CTNNA2: variants seen among roughly 807,000 people sequenced by gnomAD.
The protein encoded by CTNNA2 is catenin alpha 2.
A neutral mutation model predicts 101.0 loss-of-function variants in CTNNA2; 42 were observed. The ratio of observed to expected loss-of-function variants is 0.42; its 90% CI spans 0.32 to 0.54. The LOEUF is 0.54. Among genes scored for constraint, CTNNA2 ranks in the 20% least tolerant of loss-of-function variants. The pLI is 0.14. For missense variants in CTNNA2, 871 were observed against 1,223.1 expected (o/e 0.71, Z 4.29); for synonymous variants, 450 against 456.4 (o/e 0.99, Z 0.18).
chr2:80,167,014 G>A (rs918185683), intron 7 of CTNNA2, among the ~76,000 whole-genome samples: 10 of 151,904 alleles, frequency 6.6e-5, no homozygotes, highest in Non-Finnish European at 1.0e-4. Context: ...TCCCTAGCCA[G>A]CCTGACTTCT....
At chr2:80,247,458 C>CA (rs1019719752) in intron 7 of CTNNA2, among the ~76,000 whole-genome samples, 2 of 152,244 alleles carry the variant, frequency 1.3e-5, no homozygotes, top group South Asian at 2.1e-4. Context: ...TGAACCTCCC[C>CA]AACCTGACTA....
intron 18 of CTNNA2, among the ~76,000 whole-genome samples, chr2:80,642,632 ATTCTGT>A (rs2149859612): frequency 6.6e-6 from 1 of 152,264 alleles, no homozygotes; most frequent in East Asian, 1.9e-4. Flanking sequence ...CTGCAGTCGA[ATTCTGT>A]TTCTGTTGAA....
At chr2:79,754,322 G>C (rs1672255106) in intron 3 of CTNNA2, among the ~76,000 whole-genome samples, 1 of 152,096 alleles carries the variant, frequency 6.6e-6, no homozygotes, top group East Asian at 1.9e-4. Context: ...TAATGACCTG[G>C]TGCCTCCCTG....
chr2:79,368,038 G>T (rs922495087), intron 3 of CTNNA2, among the ~76,000 whole-genome samples: 2 of 152,102 alleles, frequency 1.3e-5, no homozygotes, highest in Non-Finnish European at 2.9e-5. Context: ...AATAAAAGAT[G>T]ACAATGGTTA....
intron 2 of CTNNA2, among the ~76,000 whole-genome samples, chr2:79,706,303 C>T (rs1480731829): frequency 7.0e-6 from 1 of 143,124 alleles, no homozygotes; most frequent in East Asian, 2.1e-4. Context: ...GCGGAGCTTG[C>T]AGTGAGCCGA....
At chr2:79,542,062 A>G (rs1673459642) in intron 1 of CTNNA2, among the ~76,000 whole-genome samples, 1 of 151,926 alleles carries the variant, frequency 6.6e-6, no homozygotes, top group South Asian at 2.1e-4. Context: ...TTAGCTTTTT[A>G]AAAACTAGGC....
intron 7 of CTNNA2, among the ~76,000 whole-genome samples, chr2:79,975,505 C>G (rs2104586219): frequency 6.6e-6 from 1 of 152,182 alleles, no homozygotes; most frequent in South Asian, 2.1e-4. Context: ...GTGTCAGATC[C>G]TACAGGTTGA....
intron 7 of CTNNA2, chr2:80,305,268 C>T (rs1676817094): frequency 1.0e-6 from 1 of 985,142 alleles, no homozygotes. Flanking sequence ...TCCAAACCCA[C>T]CTAGTTTGGG....
rs568813705 is a variant in CTNNA2 at position 80,155,491 on chromosome 2, C to A, written c.1057-237720C>A. 1.2e-4 allele frequency among the ~76,000 whole-genome samples: 19 copies of A among 152,282 alleles called. No individual in the cohort carries two copies. The Middle Eastern group carries it at 0.01, about 82-fold the overall frequency. On this transcript the variant is annotated intron_variant, in intron 7 of 18. Transcript: ENST00000402739. ...TCATATCTTGGTAGTCCTTCCTTTCCTTCCCACCTCCCTCCCCAGTTACTT... is the reference window on the plus strand; with the variant it reads ...TCATATCTTGGTAGTCCTTCCTTTCATTCCCACCTCCCTCCCCAGTTACTT...
chr2:79,667,164 C>T (rs1205268843), intron 2 of CTNNA2, among the ~76,000 whole-genome samples: 3 of 152,192 alleles, frequency 2.0e-5, no homozygotes. Context: ...TAAAGATAAA[C>T]TAGCCATCTC....
intron 9 of CTNNA2, among the ~76,000 whole-genome samples, chr2:80,421,688 C>T (rs532805643): frequency 6.6e-6 from 1 of 151,828 alleles, no homozygotes; most frequent in Non-Finnish European, 1.5e-5. Context: ...CATGGATGGT[C>T]ACTGTGGCCA....
intron 13 of CTNNA2, among the ~76,000 whole-genome samples, chr2:80,577,516 G>C (rs1199818488): frequency 6.6e-6 from 1 of 152,080 alleles, no homozygotes; most frequent in African/African-American, 2.4e-5. Context: ...TTCTGAGCAG[G>C]GGAATAGTGT....
intron 7 of CTNNA2, among the ~76,000 whole-genome samples, chr2:79,916,360 G>A (rs535696348): frequency 4.6e-5 from 7 of 152,000 alleles, no homozygotes; most frequent in South Asian, 2.1e-4. Flanking sequence ...TTTTCCTTGC[G>A]TTTTTCTTAC....
At chr2:79,814,608 T>TACACACACACAC (rs146240455) in intron 3 of CTNNA2, among the ~76,000 whole-genome samples, 31 of 145,198 alleles carry the variant, frequency 2.1e-4, no homozygotes, top group African/African-American at 7.9e-4. Flanking sequence ...TATGTGTGTA[T>TACACACACACAC]ACACACACAC....
intron 3 of CTNNA2, among the ~76,000 whole-genome samples, chr2:79,371,201 C>A (rs559409431): frequency 6.6e-6 from 1 of 151,938 alleles, no homozygotes; most frequent in African/African-American, 2.4e-5. Flanking sequence ...TGGTGAAAGG[C>A]CCACGGGGTG....
At chr2:79,990,793 A>G (rs771520344) in intron 7 of CTNNA2, among the ~76,000 whole-genome samples, 1 of 152,176 alleles carries the variant, frequency 6.6e-6, no homozygotes, top group Non-Finnish European at 1.5e-5. Context: ...CTGGCCTCAT[A>G]AAATGAGTTA....
At chr2:79,281,463 G>C (rs1283330027) in intron 2 of CTNNA2, 2 of 152,088 alleles carry the variant, frequency 1.3e-5, no homozygotes, top group Non-Finnish European at 2.9e-5. Context: ...TCCTTATCCA[G>C]AGTTGCTTGT....
chr2:80,554,566 ATAGAAAGAGGG>A (rs914320506), intron 11 of CTNNA2, among the ~76,000 whole-genome samples: 2 of 152,150 alleles, frequency 1.3e-5, no homozygotes, highest in African/African-American at 2.4e-5. Context: ...TAGGAAGAGG[ATAGAAAGAGGG>A]TAGAAAGAGG....
At chr2:79,432,994 G>T (rs1286064510) in intron 4 of CTNNA2, among the ~76,000 whole-genome samples, 1 of 152,194 alleles carries the variant, frequency 6.6e-6, no homozygotes, top group Non-Finnish European at 1.5e-5. Context: ...CAGCGAGGTT[G>T]TTTTCAAATA....
Sources: gnomAD v4.1 joint callset for allele counts (sites outside exome capture counted in the v4.1 genomes callset) on GRCh38, gnomAD v4.1.1 for gene constraint, MANE v1.5 for transcripts, NCBI Gene and HGNC (gene_info 2026-07-23, HGNC 2026-07-21) for gene names.